The following FOXN2 variants were observed in gnomAD, a reference collection of about 807,000 sequenced individuals.
FOXN2 encodes the protein forkhead box protein N2.
A neutral mutation model predicts 41.2 loss-of-function variants in FOXN2; 19 were observed. The observed-to-expected ratio is 0.46, with a 90% CI of 0.32 to 0.68. The LOEUF (loss-of-function observed/expected upper bound fraction) is 0.68, where lower values mean the gene tolerates loss of function less well. FOXN2 is among the 30% of genes least tolerant of loss of function. The pLI is 0.03. For missense variants in FOXN2, 587 were observed against 509.4 expected, an observed-to-expected ratio of 1.15 and a Z score of -1.47; for synonymous variants, 195 against 176.8, an observed-to-expected ratio of 1.10 and a Z score of -0.82.
intron 4 of FOXN2, among the ~76,000 whole-genome samples, chr2:48,362,397 C>G (rs1449026948): frequency 1.3e-5 from 2 of 152,100 alleles, no homozygotes; most frequent in East Asian, 1.9e-4. Flanking sequence ...AAAACCCTTT[C>G]TCTACCAAAA....
In FOXN2 at chr2:48,346,332, G is replaced by A. The variant is rs750597718; in HGVS notation, c.118G>A (p.Ala40Thr). Residue 40 changes from alanine to threonine, a missense_variant, in exon 3 of 7, where the codon GCC (alanine) becomes ACC (threonine). Transcript: ENST00000340553. ...MGSLPEAVDA[A>T]RPKATLVDSE... is the part of the protein sequence containing the mutation. The stretch of plus-strand genomic sequence containing the variant: ...AAGCTTGCCTGAAGCTGTTGATGCT[G>A]CCAGGCCGAAGGCCACTCTAGTGGA... 8 of 1,614,090 alleles carry A rather than the reference G, an allele frequency of 5.0e-6. No individual in the cohort carries two copies. In the South Asian group the frequency reaches 5.5e-5, roughly 11 times the overall value.
intron 3 of FOXN2, among the ~76,000 whole-genome samples, chr2:48,347,800 T>A (rs1671211889): frequency 6.6e-6 from 1 of 152,204 alleles, no homozygotes; most frequent in Admixed American, 6.5e-5. Context: ...TTGCTGGCAA[T>A]GGTTATTTTA....
chr2:48,318,649 T>A (rs1281634499), intron 1 of FOXN2, among the ~76,000 whole-genome samples: 1 of 152,230 alleles, frequency 6.6e-6, no homozygotes, highest in Admixed American at 6.5e-5. Flanking sequence ...TATTTGTAAT[T>A]TCCCTCGACC....
In FOXN2 at chr2:48,376,828, C is replaced by T. The variant is rs1673284239; in HGVS notation, c.*1385C>T. On this transcript the variant is annotated 3_prime_UTR_variant, in exon 7 of 7. Transcript: ENST00000340553. The stretch of plus-strand genomic sequence containing the variant: ...TGAAAGTTCAGTCTTATGCTACATC[C>T]TAAGTCATAGACAATGACCTTGTTT... 6.6e-6 allele frequency: 1 copy of T among 152,362 alleles called. No homozygotes were observed. The highest frequency in any genetic ancestry group is 6.6e-5 in the Admixed American group (1 of 15,246). The allele number at this position is 152,362 out of a possible 1,614,324, so 9.4% of individuals were successfully genotyped here.
chr2:48,371,110 G>A (rs1032139161), intron 5 of FOXN2, among the ~76,000 whole-genome samples: 12 of 152,230 alleles, frequency 7.9e-5, no homozygotes, highest in Middle Eastern at 3.4e-3. Context: ...GTCCACTGGC[G>A]GAGGGGGTGG....
At chr2:48,352,922 T>C (rs1388820329) in intron 3 of FOXN2, among the ~76,000 whole-genome samples, 1 of 152,214 alleles carries the variant, frequency 6.6e-6, no homozygotes, top group East Asian at 1.9e-4. Flanking sequence ...AGTTGCTTTT[T>C]GATTCTGGCC....
chr2:48,372,866 A>C (rs1039793845), intron 5 of FOXN2, among the ~76,000 whole-genome samples: 1 of 152,034 alleles, frequency 6.6e-6, no homozygotes, highest in Non-Finnish European at 1.5e-5. Flanking sequence ...TGTAATTAAC[A>C]TAGTACTTCA....
intron 5 of FOXN2, 108 bp from the exon 6 acceptor site, chr2:48,373,184 G>T: frequency 1.4e-6 from 1 of 731,954 alleles, no homozygotes; most frequent in South Asian, 1.7e-5. Context: ...TGCTTTCTTA[G>T]AATATACACC....
chr2:48,331,685 C>T (rs928491197), intron 2 of FOXN2, among the ~76,000 whole-genome samples: 1 of 151,894 alleles, frequency 6.6e-6, no homozygotes, highest in South Asian at 2.1e-4. Context: ...AGTGTGGTGA[C>T]ACACACCTGT....
At position 48,377,206 on chromosome 2, in the gene FOXN2, A is replaced by G. The variant is rs1673309889; in HGVS notation, c.*1763A>G. 6.6e-6 allele frequency: 1 copy of G among 151,890 alleles called. No homozygotes were observed. Among genetic ancestry groups the G allele is most frequent in the African/African-American group, 2.4e-5 (1 of 41,414 alleles). 9.4% of individuals were successfully genotyped at this position (151,890 alleles called of 1,614,324 possible). ...TAATGAAAACCCTTAAGCATGCAGGATGAGGTATTTGGGTTTTTTTTTTAG... is the reference window on the plus strand; with the variant it reads ...TAATGAAAACCCTTAAGCATGCAGGGTGAGGTATTTGGGTTTTTTTTTTAG... On this transcript the variant is annotated 3_prime_UTR_variant, in exon 7 of 7. Coordinates refer to ENST00000340553, the MANE Select transcript of FOXN2 (RefSeq NM_002158.4).
Position 48,375,244 on chromosome 2 carries a change from G to T in FOXN2, c.1097G>T (p.Gly366Val), listed in dbSNP as rs1016714626. Residue 366 changes from glycine (G) to valine (V), a missense_variant, in exon 7 of 7, where the codon GGC (glycine) becomes GTC (valine). Transcript: ENST00000340553. The stretch of plus-strand genomic sequence containing the variant: ...GAAGATGATCCTCTTGGAGACAGTG[G>T]CTATGCATCACAGCCTTGTGCAAAA... ...DYEDDPLGDS[G>V]YASQPCAKIS... is the part of the protein sequence containing the mutation. 6.2e-7 allele frequency: 1 copy of T among 1,613,980 alleles called. No homozygotes were observed. The highest frequency in any genetic ancestry group is 8.5e-7 in the Non-Finnish European group (1 of 1,180,010).
chr2:48,363,369 A>G (rs549709103), intron 5 of FOXN2, among the ~76,000 whole-genome samples: 16 of 150,906 alleles, frequency 1.1e-4, no homozygotes, highest in South Asian at 4.3e-4. Flanking sequence ...AAGAGTAAAA[A>G]TTTAAAAAAT....
intron 2 of FOXN2, chr2:48,340,722 CTA>C (rs1333168230): frequency 6.6e-6 from 1 of 152,104 alleles, no homozygotes; most frequent in Non-Finnish European, 1.5e-5. Context: ...CCAGTGCTGA[CTA>C]TATCGCAAGT....
chr2:48,359,722 A>G (rs1672051392), intron 4 of FOXN2, among the ~76,000 whole-genome samples: 1 of 152,142 alleles, frequency 6.6e-6, no homozygotes. Flanking sequence ...TGACTTGAGA[A>G]CATACACTCT....
At chr2:48,322,511 T>C (rs1355278205) in intron 1 of FOXN2, among the ~76,000 whole-genome samples, 1 of 152,150 alleles carries the variant, frequency 6.6e-6, no homozygotes, top group Non-Finnish European at 1.5e-5. Context: ...ATGCTCACGC[T>C]CACGCGGATT....
intron 2 of FOXN2, 26 bp from the exon 3 acceptor site, chr2:48,346,175 A>G (rs745919964): frequency 5.9e-6 from 9 of 1,531,232 alleles, no homozygotes; most frequent in African/African-American, 1.4e-5. Flanking sequence ...AAAGTATTAC[A>G]TTGATAATTG....
chr2:48,333,714 G>C (rs914019011), intron 2 of FOXN2, among the ~76,000 whole-genome samples: 8 of 152,220 alleles, frequency 5.3e-5, no homozygotes, highest in African/African-American at 1.7e-4. Flanking sequence ...AATCCAAAAT[G>C]CTCCAGAAGC....
At chr2:48,338,522 C>A (rs1022885054) in intron 2 of FOXN2, among the ~76,000 whole-genome samples, 3 of 152,100 alleles carry the variant, frequency 2.0e-5, no homozygotes, top group African/African-American at 7.2e-5. Context: ...CTGCCTCAGC[C>A]TCCCCAGCAG....
intron 1 of FOXN2, among the ~76,000 whole-genome samples, chr2:48,326,323 C>CA (rs1163058824): frequency 1.3e-5 from 2 of 149,606 alleles, no homozygotes; most frequent in African/African-American, 2.5e-5. Flanking sequence ...GAAAGAGTGG[C>CA]AAAAAATGTG....
Sources: allele counts gnomAD v4.1 joint callset (sites outside exome capture counted in the v4.1 genomes callset), GRCh38; gene constraint gnomAD v4.1.1; transcripts MANE v1.5; gene names NCBI Gene and HGNC (gene_info 2026-07-23, HGNC 2026-07-21).